NTM: variants seen among roughly 807,000 people sequenced by gnomAD.
The protein encoded by NTM is IgLON family member 2.
Under a neutral mutation model 42.1 loss-of-function variants are expected in NTM, and 13 were observed. The ratio of observed to expected loss-of-function variants is 0.31; its 90% CI spans 0.20 to 0.49. NTM has a LOEUF of 0.49. Among genes scored for constraint, NTM ranks in the 20% least tolerant of loss-of-function variants. The pLI is 0.99. For synonymous variants in NTM, 187 were observed against 179.2 expected, an observed-to-expected ratio of 1.04 and a Z score of -0.35; for missense variants, 373 against 452.8, an observed-to-expected ratio of 0.82 and a Z score of 1.60.
intron 3 of NTM, among the ~76,000 whole-genome samples, chr11:132,184,186 A>C (rs558931488): frequency 6.6e-6 from 1 of 152,252 alleles, no homozygotes; most frequent in African/African-American, 2.4e-5. Context: ...GTGTTTACCC[A>C]CAGAAGAGGG....
At chr11:131,666,900 G>A (rs2069157467) in intron 1 of NTM, among the ~76,000 whole-genome samples, 2 of 152,178 alleles carry the variant, frequency 1.3e-5, no homozygotes, top group Non-Finnish European at 2.9e-5. Context: ...CTGTGGCTGG[G>A]TGAGTAAAGA....
intron 1 of NTM, among the ~76,000 whole-genome samples, chr11:131,524,851 C>A (rs2050235658): frequency 6.6e-6 from 1 of 152,186 alleles, no homozygotes; most frequent in African/African-American, 2.4e-5. Context: ...TGAGGATGAC[C>A]TAACTCTTTG....
At chr11:132,096,752 C>A (rs1163910591) in intron 2 of NTM, among the ~76,000 whole-genome samples, 1 of 152,014 alleles carries the variant, frequency 6.6e-6, no homozygotes, top group South Asian at 2.1e-4. Flanking sequence ...CTAGGGCCTG[C>A]GGGGAGGGGA....
At chr11:131,696,922 CAAT>C (rs1246873726) in intron 1 of NTM, among the ~76,000 whole-genome samples, 2 of 152,012 alleles carry the variant, frequency 1.3e-5, no homozygotes, top group African/African-American at 4.8e-5. Context: ...TTATGGAAAA[CAAT>C]AATAATAAAT....
At chr11:132,102,129 C>T (rs2061697842) in intron 2 of NTM, among the ~76,000 whole-genome samples, 1 of 152,202 alleles carries the variant, frequency 6.6e-6, no homozygotes, top group Non-Finnish European at 1.5e-5. Flanking sequence ...CACTCTTTCT[C>T]ATTCTTCAGG....
intron 1 of NTM, among the ~76,000 whole-genome samples, chr11:131,831,697 G>C (rs2042838231): frequency 6.6e-6 from 1 of 152,066 alleles, no homozygotes; most frequent in African/African-American, 2.4e-5. Flanking sequence ...ATAAATTCTA[G>C]GGAAAAGTCT....
At chr11:131,399,755 C>T (rs984718726) in intron 1 of NTM, among the ~76,000 whole-genome samples, 2 of 152,150 alleles carry the variant, frequency 1.3e-5, no homozygotes, top group African/African-American at 4.8e-5. Flanking sequence ...GGGGAAAGCA[C>T]AATGTAGGAC....
intron 1 of NTM, among the ~76,000 whole-genome samples, chr11:131,433,463 A>G (rs1355323523): frequency 1.3e-5 from 2 of 152,098 alleles, no homozygotes; most frequent in Non-Finnish European, 2.9e-5. Context: ...CCAGGGCCTC[A>G]TGACTTTTTA....
Position 132,335,292 on chromosome 11 carries a change from G to A in NTM, c.*146G>A. The A allele has an allele frequency of 2.4e-6, 2 of 843,836 alleles. No individual in the cohort carries two copies. Among genetic ancestry groups the A allele is most frequent in the Non-Finnish European group, 3.5e-6 (2 of 564,734 alleles). The allele number at this position is 843,836 out of a possible 1,614,324, so 52.3% of individuals were successfully genotyped here. On this transcript the variant is annotated 3_prime_UTR_variant, in exon 9 of 9. Transcript: ENST00000683400. ...CCTCATGGGACAGAAATTTGAGGGA[G>A]GGGAACAAAGAATACTTTGGGGGGA...
intron 1 of NTM, among the ~76,000 whole-genome samples, chr11:131,386,200 G>A (rs1052417272): frequency 9.2e-5 from 14 of 152,206 alleles, no homozygotes; most frequent in African/African-American, 3.4e-4. Flanking sequence ...ATTATGCTAA[G>A]TGAAATGAGC....
chr11:131,704,429 T>C (rs567166394), intron 1 of NTM, among the ~76,000 whole-genome samples: 1 of 152,296 alleles, frequency 6.6e-6, no homozygotes, highest in South Asian at 2.1e-4. Context: ...CAAGCCTCAC[T>C]ATGGACCTCA....
chr11:131,612,948 C>G (rs2061582421), intron 1 of NTM, among the ~76,000 whole-genome samples: 1 of 152,204 alleles, frequency 6.6e-6, no homozygotes, highest in Non-Finnish European at 1.5e-5. Context: ...GCAGCCTCCC[C>G]TCATGTAAAG....
At chr11:132,318,931 A>G (rs2095497552) in intron 7 of NTM, among the ~76,000 whole-genome samples, 1 of 152,248 alleles carries the variant, frequency 6.6e-6, no homozygotes, top group South Asian at 2.1e-4. Context: ...TATCATGGAA[A>G]GAGTGAGGGC....
chr11:131,721,909 G>T (rs1392785986), intron 1 of NTM, among the ~76,000 whole-genome samples: 1 of 137,894 alleles, frequency 7.3e-6, no homozygotes, highest in African/African-American at 2.7e-5. Context: ...TGAGGCAGGA[G>T]AATTACTTGA....
rs371493317 is a variant in NTM at position 131,531,376 on chromosome 11, G to C, written c.82+160488G>C. On this transcript the variant is annotated intron_variant, in intron 1 of 8. Coordinates refer to ENST00000683400, the MANE Select transcript of NTM (RefSeq NM_001352005.2). ...TTGCCCAGGTGGATCTCAAACTTCT[G>C]GACTCAAGTGATCCTCCTGCCTCAG... is the stretch of plus-strand genomic sequence containing the variant. 2.8e-4 allele frequency among the ~76,000 whole-genome samples: 43 copies of C among 152,208 alleles called. 2 individuals carry two copies. In the East Asian group the frequency reaches 6.2e-3, roughly 22 times the overall value.
At chr11:132,122,633 A>T (rs887342109) in intron 2 of NTM, among the ~76,000 whole-genome samples, 1 of 152,198 alleles carries the variant, frequency 6.6e-6, no homozygotes, top group East Asian at 1.9e-4. Flanking sequence ...AATAAGCAGC[A>T]GTGCCACCTC....
intron 1 of NTM, among the ~76,000 whole-genome samples, chr11:131,881,508 A>ACACACACC (rs1357636852): frequency 3.4e-5 from 4 of 116,230 alleles, no homozygotes; most frequent in Admixed American, 8.6e-5. Flanking sequence ...ACACACACAC[A>ACACACACC]CCCCCCAAAG....
intron 2 of NTM, among the ~76,000 whole-genome samples, chr11:132,001,475 A>G (rs2069217352): frequency 6.6e-6 from 1 of 152,308 alleles, no homozygotes; most frequent in South Asian, 2.1e-4. Context: ...GAAGCAAAGC[A>G]TGGCACCGGC....
chr11:132,005,881 CT>C (rs920752275), intron 2 of NTM, among the ~76,000 whole-genome samples: 2 of 152,110 alleles, frequency 1.3e-5, no homozygotes, highest in African/African-American at 4.8e-5. Flanking sequence ...GAAAATGCTT[CT>C]TTTTTGTTAG....
Sources: allele counts gnomAD v4.1 joint callset (sites outside exome capture counted in the v4.1 genomes callset), GRCh38; gene constraint gnomAD v4.1.1; transcripts MANE v1.5; gene names NCBI Gene and HGNC (gene_info 2026-07-23, HGNC 2026-07-21).